The following HOXD13 variants were observed in gnomAD, a reference collection of about 807,000 sequenced individuals.
The protein encoded by HOXD13 is homeobox protein Hox-D13.
Under a neutral mutation model 27.3 loss-of-function variants are expected in HOXD13, and 16 were observed. That is an observed-to-expected ratio of 0.59 (90% CI 0.40 to 0.89). The LOEUF (loss-of-function observed/expected upper bound fraction) is 0.89. Among genes scored for constraint, HOXD13 ranks in the 40% least tolerant of loss-of-function variants. The pLI, the probability that HOXD13 is intolerant of heterozygous loss-of-function variation, is 0.00. For synonymous variants in HOXD13, 241 were observed against 219.0 expected (o/e 1.10, Z -0.89); for missense variants, 481 against 482.6 (o/e 1.00, Z 0.03).
upstream of HOXD13, among the ~76,000 whole-genome samples, chr2:176,092,052 T>A (rs1305025559): frequency 1.3e-5 from 2 of 152,152 alleles, no homozygotes; most frequent in African/African-American, 4.8e-5. Flanking sequence ...CTGTCTTTCA[T>A]CTGTTTAAGT....
intron 1 of HOXD13, among the ~76,000 whole-genome samples, chr2:176,094,026 A>G (rs1417047248): frequency 1.3e-5 from 2 of 152,154 alleles, no homozygotes; most frequent in African/African-American, 4.8e-5. Flanking sequence ...CAAAGACATC[A>G]CTGCCCCAAG....
At chr2:176,091,556 C>G (rs936795823), upstream of HOXD13, among the ~76,000 whole-genome samples, 6 of 152,134 alleles carry the variant, frequency 3.9e-5, no homozygotes, top group Non-Finnish European at 7.4e-5. Context: ...CAGCTTGGTT[C>G]CAGAGCTGGA....
At chr2:176,090,035 C>T (rs1574941513), upstream of HOXD13, among the ~76,000 whole-genome samples, 1 of 152,240 alleles carries the variant, frequency 6.6e-6, no homozygotes, top group South Asian at 2.1e-4. Context: ...CCTCCTCTAC[C>T]TGGCATCCCT....
Position 176,092,795 on chromosome 2 carries a change from C to T in HOXD13, c.-96C>T. Reference sequence around the variant, plus strand: ...GCTAGAGGAAGAGGGCGGGAGCGAGCGAACCAGAGAGAAAGGAGAGGAGGG... The same window carrying T: ...GCTAGAGGAAGAGGGCGGGAGCGAGTGAACCAGAGAGAAAGGAGAGGAGGG... On this transcript the variant is annotated 5_prime_UTR_variant, in exon 1 of 2. Transcript: ENST00000392539. The T allele has an allele frequency of 1.2e-6, 1 of 824,480 alleles. No homozygotes were observed. The allele number at this position is 824,480 out of a possible 1,614,324, so 51.1% of individuals were successfully genotyped here. A position where few individuals can be genotyped will look rare whatever the true frequency, so the allele number is the denominator to read the frequency against.
At position 176,095,111 on chromosome 2, in the gene HOXD13, A is replaced by G. The variant is rs896685304; in HGVS notation, c.*381A>G. Reference sequence around the variant, plus strand: ...TTTTAAAAAATTACTTTATTTGTTCATTCCCAGCACTGATTATCTTCATAA... The same window carrying G: ...TTTTAAAAAATTACTTTATTTGTTCGTTCCCAGCACTGATTATCTTCATAA... On this transcript the variant is annotated 3_prime_UTR_variant, in exon 2 of 2. Transcript: ENST00000392539. 3 of 357,018 alleles carry G rather than the reference A, an allele frequency of 8.4e-6. No homozygotes were observed. Among genetic ancestry groups the G allele is most frequent in the Non-Finnish European group, 1.6e-5 (3 of 191,908 alleles). 22.1% of individuals were successfully genotyped at this position (357,018 alleles called of 1,614,324 possible).
chr2:176,090,178 C>T (rs1161812067), upstream of HOXD13, among the ~76,000 whole-genome samples: 1 of 152,252 alleles, frequency 6.6e-6, no homozygotes, highest in Non-Finnish European at 1.5e-5. Context: ...TGGACAAAGT[C>T]AGACCCCCTT....
intron 1 of HOXD13, among the ~76,000 whole-genome samples, 187 bp from the exon 2 acceptor site, chr2:176,094,293 C>T (rs1689377998): frequency 6.6e-6 from 1 of 151,876 alleles, no homozygotes; most frequent in Non-Finnish European, 1.5e-5. Context: ...GCAAATAATC[C>T]TTCTTTAATA....
upstream of HOXD13, among the ~76,000 whole-genome samples, chr2:176,091,462 G>A (rs1689318067): frequency 6.6e-6 from 1 of 152,156 alleles, no homozygotes; most frequent in Non-Finnish European, 1.5e-5. Context: ...TGCTGAGATT[G>A]AGGGATGGTG....
upstream of HOXD13, among the ~76,000 whole-genome samples, chr2:176,092,516 GA>G (rs1375355762): frequency 2.5e-4 from 38 of 150,928 alleles, no homozygotes; most frequent in African/African-American, 8.7e-4. Context: ...AGGGGCAGGA[GA>G]GGGGTGGGGG....
At chr2:176,094,325 G>A (rs957315134) in intron 1 of HOXD13, among the ~76,000 whole-genome samples, 155 bp from the exon 2 acceptor site, 1 of 151,110 alleles carries the variant, frequency 6.6e-6, no homozygotes, top group Non-Finnish European at 1.5e-5. Context: ...TTATGTCTAT[G>A]TACATAATAA....
At chr2:176,092,717 A>C (rs2105377871), upstream of HOXD13, among the ~76,000 whole-genome samples, 1 of 152,114 alleles carries the variant, frequency 6.6e-6, no homozygotes, top group South Asian at 2.1e-4. Context: ...CGATGAGCTA[A>C]CCTGTTGGAG....
chr2:176,093,883 T>C (rs1375913056), intron 1 of HOXD13, among the ~76,000 whole-genome samples: 1 of 152,166 alleles, frequency 6.6e-6, no homozygotes, highest in Non-Finnish European at 1.5e-5. Flanking sequence ...GCCCTTTCTT[T>C]CCTGTGTGCA....
At chr2:176,092,701 G>T (rs1471121350), upstream of HOXD13, among the ~76,000 whole-genome samples, 1 of 152,126 alleles carries the variant, frequency 6.6e-6, no homozygotes, top group Non-Finnish European at 1.5e-5. Flanking sequence ...TTTTATAAAC[G>T]TCCCGCGATG....
At position 176,094,797 on chromosome 2, in the gene HOXD13, A is replaced by C. The variant is rs1213452929; in HGVS notation, c.*67A>C. The C allele has an allele frequency of 2.1e-6, 3 of 1,413,520 alleles. No individual in the cohort carries two copies. The highest frequency in any genetic ancestry group is 2.8e-5 in the African/African-American group (2 of 70,904). The allele number at this position is 1,413,520 out of a possible 1,614,324, so 87.6% of individuals were successfully genotyped here. A position where few individuals can be genotyped will look rare whatever the true frequency, so the allele number is the denominator to read the frequency against. ...TTGTCTCCAAAAGGCCTTTGGAAAG[A>C]CTTGAATATGTATTTAATTCCCCCC... On this transcript the variant is annotated 3_prime_UTR_variant, in exon 2 of 2. Coordinates refer to ENST00000392539, the MANE Select transcript of HOXD13 (RefSeq NM_000523.4).
At chr2:176,090,594 C>T (rs1243994121), upstream of HOXD13, among the ~76,000 whole-genome samples, 1 of 152,170 alleles carries the variant, frequency 6.6e-6, no homozygotes, top group Admixed American at 6.5e-5. Flanking sequence ...GAAGCAGAAG[C>T]CCAAGGCACA....
In HOXD13 at chr2:176,093,272, G is replaced by C. The variant is rs1384132694; in HGVS notation, c.382G>C (p.Gly128Arg). The C allele has an allele frequency of 6.2e-7, 1 of 1,611,450 alleles. No individual in the cohort carries two copies. The change falls in exon 1 of 2, where the codon GGC becomes CGC. Residue 128 changes from glycine to arginine, a missense_variant. Transcript: ENST00000392539. ...APPSAPALGYGYHFGNGYYSC... is the reference protein window; with the variant it reads ...APPSAPALGYRYHFGNGYYSC... The stretch of plus-strand genomic sequence containing the variant: ...CCCGAGCGCTCCAGCGCTGGGCTAC[G>C]GCTACCACTTCGGCAACGGCTACTA...
At chr2:176,089,989 T>C (rs1689296094), upstream of HOXD13, among the ~76,000 whole-genome samples, 1 of 152,268 alleles carries the variant, frequency 6.6e-6, no homozygotes, top group African/African-American at 2.4e-5. Context: ...AGTTTAAACC[T>C]GAATGAAATG....
chr2:176,089,223 G>T (rs1425005032), upstream of HOXD13, among the ~76,000 whole-genome samples: 1 of 151,706 alleles, frequency 6.6e-6, no homozygotes, highest in African/African-American at 2.4e-5. Flanking sequence ...TGTTGTTGTT[G>T]TTTCTTTTGA....
chr2:176,088,191 C>G (rs1689269795), upstream of HOXD13, among the ~76,000 whole-genome samples: 1 of 152,262 alleles, frequency 6.6e-6, no homozygotes, highest in Non-Finnish European at 1.5e-5. Flanking sequence ...CTCGGGCTCC[C>G]TGTCTTCAGG....
Sources: gnomAD v4.1 joint callset for allele counts (sites outside exome capture counted in the v4.1 genomes callset) on GRCh38, gnomAD v4.1.1 for gene constraint, MANE v1.5 for transcripts, NCBI Gene and HGNC (gene_info 2026-07-23, HGNC 2026-07-21) for gene names.